The following NIPAL2 variants were observed in gnomAD, a reference collection of about 807,000 sequenced individuals.
NIPAL2 encodes NIPA like domain containing 2.
A neutral mutation model predicts 48.9 loss-of-function variants in NIPAL2; 43 were observed. The observed-to-expected ratio is 0.88, with a 90% CI of 0.69 to 1.13. The LOEUF (loss-of-function observed/expected upper bound fraction) is 1.13. Among genes scored for constraint, NIPAL2 ranks in the 50% most tolerant of loss-of-function variants. NIPAL2 has a pLI of 0.00. For synonymous variants in NIPAL2, 167 were observed against 174.6 expected (o/e 0.96, Z 0.34); for missense variants, 446 against 461.4 (o/e 0.97, Z 0.31).
At chr8:98,193,996 C>T (rs1798500108) in intron 10 of NIPAL2, among the ~76,000 whole-genome samples, 1 of 152,138 alleles carries the variant, frequency 6.6e-6, no homozygotes, top group South Asian at 2.1e-4. Context: ...AGGGATGAGG[C>T]TTCCCTAGTT....
At chr8:98,262,224 C>G (rs1378444033) in intron 1 of NIPAL2, among the ~76,000 whole-genome samples, 1 of 151,784 alleles carries the variant, frequency 6.6e-6, no homozygotes, top group Non-Finnish European at 1.5e-5. Flanking sequence ...CATCAACTAA[C>G]GAGCAAAATA....
At chr8:98,245,321 A>T (rs1041975587) in intron 3 of NIPAL2, among the ~76,000 whole-genome samples, 5 of 152,232 alleles carry the variant, frequency 3.3e-5, no homozygotes, top group African/African-American at 1.2e-4. Context: ...TTAGGAAAAG[A>T]GGTATGTCAA....
intron 8 of NIPAL2, among the ~76,000 whole-genome samples, chr8:98,200,994 A>C (rs1426216525): frequency 1.3e-5 from 2 of 152,204 alleles, no homozygotes; most frequent in Non-Finnish European, 2.9e-5. Flanking sequence ...TGACTTGTAG[A>C]ATCAAAGAGT....
At chr8:98,280,042 A>G (rs1369140274) in intron 1 of NIPAL2, among the ~76,000 whole-genome samples, 1 of 152,266 alleles carries the variant, frequency 6.6e-6, no homozygotes, top group African/African-American at 2.4e-5. Flanking sequence ...TATTAGCCAG[A>G]ATGATCTTTA....
At chr8:98,220,634 C>G (rs1028501765) in intron 5 of NIPAL2, among the ~76,000 whole-genome samples, 3 of 152,084 alleles carry the variant, frequency 2.0e-5, no homozygotes, top group Non-Finnish European at 4.4e-5. Flanking sequence ...GTCTCAAACT[C>G]CTGGGCTCGA....
chr8:98,201,149 A>G (rs924990645), intron 8 of NIPAL2, among the ~76,000 whole-genome samples: 12 of 152,188 alleles, frequency 7.9e-5, no homozygotes, highest in African/African-American at 2.9e-4. Flanking sequence ...ACAAAACTTG[A>G]CTAATTAGTA....
At chr8:98,204,962 G>GGCA in intron 7 of NIPAL2, 149 bp downstream of exon 7, 1 of 798,376 alleles carries the variant, frequency 1.3e-6, no homozygotes, top group Non-Finnish European at 2.1e-6. Flanking sequence ...GAGGAAGCAA[G>GGCA]GCATGTTGGC....
intron 1 of NIPAL2, among the ~76,000 whole-genome samples, chr8:98,280,736 CTATATATATA>C (rs71572005): frequency 1.0e-4 from 4 of 39,030 alleles, no homozygotes; most frequent in Non-Finnish European, 2.2e-4. Flanking sequence ...TAGTCCATTA[CTATATATATA>C]TATATATATA....
Position 98,262,272 on chromosome 8 carries a change from A to G in NIPAL2, c.136-8185T>C, listed in dbSNP as rs539507893. On this transcript the variant is annotated intron_variant, in intron 1 of 10. Transcript: ENST00000430223. ...CATAACGACAGGATCAAATTCACAC[A>G]TAACAGTATTAACTTTAAATGTAAA... is the stretch of plus-strand genomic sequence containing the variant. Among the ~76,000 whole-genome samples the G allele has an allele frequency of 3.2e-3, 484 of 152,234 alleles. 1 individual carries two copies. The highest frequency in any genetic ancestry group is 0.011 in the African/African-American group (456 of 41,526).
Position 98,194,791 on chromosome 8 carries a change from C to A in NIPAL2, c.976G>T (p.Val326Phe). ...TGTTCCTTTTCTCGATTTCTTGTGA[C>A]CAAAAATACACCAAGGAATGACAGA... is the stretch of plus-strand genomic sequence containing the variant. ...CFLSFLGVFLVTRNREKEHLQ... is the reference protein window; with the variant it reads ...CFLSFLGVFLFTRNREKEHLQ... The change falls in exon 10 of 11, where the codon GTC becomes TTC. Residue 326 changes from valine (V) to phenylalanine (F), a missense_variant. Val to Phe is a conservative substitution (Grantham distance 50). Coordinates refer to ENST00000430223, the MANE Select transcript of NIPAL2 (RefSeq NM_001321635.2). The A allele has an allele frequency of 6.4e-7, 1 of 1,569,290 alleles. No homozygotes were observed. The highest frequency in any genetic ancestry group is 8.6e-7 in the Non-Finnish European group (1 of 1,162,136).
chr8:98,294,061 T>A lies in NIPAL2; in HGVS notation c.77A>T (p.Tyr26Phe). The stretch of plus-strand genomic sequence containing the variant: ...GCCGTTGCCGGCGCCTGGTGCCCCG[T>A]ACGTGAAATTCAGTGACAGCTCGTC... ...ALDELSLNFT[Y>F]GAPGAGNGSL... Residue 26 changes from tyrosine to phenylalanine, a missense_variant, in exon 1 of 11, where the codon TAC (tyrosine) becomes TTC (phenylalanine). Physicochemically the swap from Tyr to Phe is conservative, Grantham distance 22 (BLOSUM62 3). Coordinates refer to ENST00000430223, the MANE Select transcript of NIPAL2 (RefSeq NM_001321635.2). 6.7e-7 allele frequency: 1 copy of A among 1,500,908 alleles called. No individual in the cohort carries two copies. The highest frequency in any genetic ancestry group is 8.9e-7 in the Non-Finnish European group (1 of 1,125,646). 93.0% of individuals were successfully genotyped at this position (1,500,908 alleles called of 1,614,324 possible).
In NIPAL2 at chr8:98,237,949, C is replaced by T. The variant is rs182194438; in HGVS notation, c.377-1735G>A. On this transcript the variant is annotated intron_variant, in intron 3 of 10. Coordinates refer to ENST00000430223, the MANE Select transcript of NIPAL2 (RefSeq NM_001321635.2). ...TGTCTTTTTATTCTTCTAAGATCTC[C>T]AGTGAGTAGCTGTATCTAGCACATA... Among the ~76,000 whole-genome samples, 46 of 152,294 alleles carry T rather than the reference C, an allele frequency of 3.0e-4. No homozygotes were observed. In the East Asian group the frequency reaches 7.1e-3, roughly 24 times the overall value.
At chr8:98,235,411 T>C (rs1490569489) in intron 4 of NIPAL2, among the ~76,000 whole-genome samples, 1 of 152,242 alleles carries the variant, frequency 6.6e-6, no homozygotes, top group East Asian at 1.9e-4. Flanking sequence ...TTTCCATTAA[T>C]AACTGTATTT....
chr8:98,273,203 T>C (rs1227968531), intron 1 of NIPAL2, among the ~76,000 whole-genome samples: 1 of 152,202 alleles, frequency 6.6e-6, no homozygotes, highest in Non-Finnish European at 1.5e-5. Context: ...GAAGTACTGG[T>C]ACATGCTACA....
intron 6 of NIPAL2, among the ~76,000 whole-genome samples, chr8:98,205,478 G>T (rs1542288): frequency 0.31 from 45,741 of 147,582 alleles, 8,035 homozygotes; most frequent in South Asian, 0.52. Context: ...GTGACTGTGT[G>T]TTTTTTTTTT....
At chr8:98,221,131 A>G (rs1283474823) in intron 5 of NIPAL2, among the ~76,000 whole-genome samples, 2 of 150,254 alleles carry the variant, frequency 1.3e-5, no homozygotes, top group East Asian at 3.9e-4. Context: ...GTGTACTTCC[A>G]CTCCTGGGTA....
chr8:98,270,353 T>C (rs1039583058), intron 1 of NIPAL2, among the ~76,000 whole-genome samples: 8 of 152,122 alleles, frequency 5.3e-5, no homozygotes. Flanking sequence ...TCTGTTGTTT[T>C]TTTACTTTTT....
At chr8:98,265,796 G>A (rs1814685627) in intron 1 of NIPAL2, among the ~76,000 whole-genome samples, 1 of 143,738 alleles carries the variant, frequency 7.0e-6, no homozygotes, top group Non-Finnish European at 1.5e-5. Context: ...ATACCCAAAG[G>A]ACTATAAATC....
At chr8:98,203,376 T>G (rs1232382050) in intron 7 of NIPAL2, among the ~76,000 whole-genome samples, 180 bp from the exon 8 acceptor site, 1 of 152,184 alleles carries the variant, frequency 6.6e-6, no homozygotes, top group Admixed American at 6.5e-5. Flanking sequence ...AGATCAGATG[T>G]CAGGTTCTAT....
Sources: allele counts gnomAD v4.1 joint callset (sites outside exome capture counted in the v4.1 genomes callset), GRCh38; gene constraint gnomAD v4.1.1; transcripts MANE v1.5; gene names NCBI Gene and HGNC (gene_info 2026-07-23, HGNC 2026-07-21).